The following TPR variants were observed in gnomAD, a reference collection of about 807,000 sequenced individuals.
The protein encoded by TPR is nucleoprotein TPR.
Under a neutral mutation model 316.1 loss-of-function variants are expected in TPR, and 51 were observed. The ratio of observed to expected loss-of-function variants is 0.16; its 90% CI spans 0.13 to 0.20. TPR has a LOEUF of 0.20. Ranked by LOEUF, TPR falls within the 10% of genes least tolerant of loss-of-function variation. The pLI is 1.00. For synonymous variants in TPR, 981 were observed against 914.7 expected, an observed-to-expected ratio of 1.07 and a Z score of -1.31; for missense variants, 2,272 against 2,754.8, an observed-to-expected ratio of 0.82 and a Z score of 3.92.
At chr1:186,341,703 A>C (rs1241770439) in intron 27 of TPR, 1 of 222,294 alleles carries the variant, frequency 4.5e-6, no homozygotes, top group East Asian at 1.1e-4. Context: ...TGCTGCACTA[A>C]ATTTATTAGT....
chr1:186,345,492 G>A, intron 24 of TPR, 88 bp downstream of exon 24: 1 of 1,008,530 alleles, frequency 9.9e-7, no homozygotes, highest in Non-Finnish European at 1.5e-6. Flanking sequence ...ATTTTTGTAA[G>A]GTCCACCAGT....
intron 42 of TPR, among the ~76,000 whole-genome samples, chr1:186,324,990 A>G (rs1050610892): frequency 9.2e-5 from 14 of 152,228 alleles, no homozygotes; most frequent in Admixed American, 4.6e-4. Context: ...AGTATTACCT[A>G]TTATATGGCT....
Position 186,346,263 on chromosome 1 carries a change from T to C in TPR, c.2968A>G (p.Ile990Val), listed in dbSNP as rs777536738. ...KQVTEEVRKN[I>V]EVRLKESAEF... ...GCTGACTCTTTTAAACGAACTTCAATATTCTTACGCACTTCTTCTGTCACC... is the reference window on the plus strand; with the variant it reads ...GCTGACTCTTTTAAACGAACTTCAACATTCTTACGCACTTCTTCTGTCACC... Residue 990 changes from isoleucine to valine, a missense_variant, in exon 23 of 51, where the codon ATT becomes GTT. Physicochemically the swap from Ile to Val is conservative, Grantham distance 29. Coordinates refer to ENST00000367478, the MANE Select transcript of TPR (RefSeq NM_003292.3). The C allele has an allele frequency of 4.3e-6, 7 of 1,613,108 alleles. No individual in the cohort carries two copies. The Admixed American group carries it at 8.3e-5, about 19-fold the overall frequency.
At chr1:186,351,882 G>T in intron 19 of TPR, 94 bp downstream of exon 19, 2 of 1,391,684 alleles carry the variant, frequency 1.4e-6, no homozygotes, top group East Asian at 2.4e-5. Context: ...CAAAAGTGAT[G>T]GATAAATTTT....
At chr1:186,365,099 G>A (rs1453578494) in intron 4 of TPR, among the ~76,000 whole-genome samples, 1 of 69,598 alleles carries the variant, frequency 1.4e-5, no homozygotes, top group Non-Finnish European at 3.0e-5. Context: ...TAAAGGGGCT[G>A]CCCTTTTTTT....
chr1:186,314,381 T>G (rs1393683405), intron 50 of TPR: 1 of 352,676 alleles, frequency 2.8e-6, no homozygotes, highest in Non-Finnish European at 5.1e-6. Flanking sequence ...TTTCCAAATC[T>G]TAATTTGGAT....
At chr1:186,368,792 A>G (rs1204557752) in intron 3 of TPR, among the ~76,000 whole-genome samples, 1 of 152,106 alleles carries the variant, frequency 6.6e-6, no homozygotes, top group Non-Finnish European at 1.5e-5. Context: ...TTGCAGCTTG[A>G]ACTACTGATG....
chr1:186,373,924 A>C (rs1659609285), intron 1 of TPR, among the ~76,000 whole-genome samples: 1 of 152,234 alleles, frequency 6.6e-6, no homozygotes, highest in South Asian at 2.1e-4. Context: ...TAAACTTTCC[A>C]AGGGAAGGGA....
Position 186,311,757 on chromosome 1 carries a change from C to A in TPR, c.*2214G>T. On this transcript the variant is annotated 3_prime_UTR_variant, in exon 51 of 51. Coordinates refer to ENST00000367478, the MANE Select transcript of TPR (RefSeq NM_003292.3). ...TTGAGGGTAGTATTCTTATTGCCCT[C>A]AATTTTTATTTTCATTTCTTCACAG... 1.3e-6 allele frequency: 1 copy of A among 744,814 alleles called. No homozygotes were observed. The highest frequency in any genetic ancestry group is 2.1e-6 in the Non-Finnish European group (1 of 467,126). 46.1% of individuals were successfully genotyped at this position (744,814 alleles called of 1,614,324 possible). A position where few individuals can be genotyped will look rare whatever the true frequency, so the allele number is the denominator to read the frequency against.
rs539145767 is a variant in TPR, at chr1:186,335,546, A to T, written c.4706-3T>A. On this transcript the variant is annotated splice_region_variant and splice_polypyrimidine_tract_variant and intron_variant, in intron 33 of 50. Coordinates refer to ENST00000367478, the MANE Select transcript of TPR (RefSeq NM_003292.3). Reference sequence around the variant, plus strand: ...TTTAGTTAGCTGATCTTTTACACCTAAAGAAGTAACCAGGCGATTATATTA... The same window carrying T: ...TTTAGTTAGCTGATCTTTTACACCTTAAGAAGTAACCAGGCGATTATATTA... 2.7e-5 allele frequency: 43 copies of T among 1,582,160 alleles called. No homozygotes were observed. The highest frequency in any genetic ancestry group is 3.4e-5 in the Non-Finnish European group (40 of 1,168,760).
chr1:186,337,999 G>T (rs767526076), intron 31 of TPR, 34 bp downstream of exon 31: 1 of 1,458,566 alleles, frequency 6.9e-7, no homozygotes. Context: ...ATTCATCCTA[G>T]TTTTTTTTTG....
At chr1:186,343,728 C>T (rs985190391) in intron 26 of TPR, among the ~76,000 whole-genome samples, 178 bp downstream of exon 26, 7 of 152,128 alleles carry the variant, frequency 4.6e-5, no homozygotes, top group African/African-American at 7.2e-5. Context: ...CTATCAGATT[C>T]AACTTTAAAG....
Position 186,341,671 on chromosome 1 carries a change from C to G in TPR, c.3751-282G>C. 3 of 288,694 alleles carry G rather than the reference C, an allele frequency of 1.0e-5. No individual in the cohort carries two copies. The East Asian group carries it at 2.0e-4, about 19-fold the overall frequency. 17.9% of individuals were successfully genotyped at this position (288,694 alleles called of 1,614,324 possible). On this transcript the variant is annotated intron_variant, in intron 27 of 50. Coordinates refer to ENST00000367478, the MANE Select transcript of TPR (RefSeq NM_003292.3). ...AAACATTAATCCAAATCTCTATTTA[C>G]CTTTCTGTATCTTTTTTTCCTTGCT...
At chr1:186,324,417 T>A (rs1417123521) in intron 42 of TPR, among the ~76,000 whole-genome samples, 1 of 152,188 alleles carries the variant, frequency 6.6e-6, no homozygotes, top group Non-Finnish European at 1.5e-5. Flanking sequence ...TTTTCCTGAA[T>A]TTTGAATTTT....
chr1:186,349,610 A>G (rs1325904899), intron 21 of TPR, among the ~76,000 whole-genome samples: 2 of 151,674 alleles, frequency 1.3e-5, no homozygotes, highest in African/African-American at 4.8e-5. Flanking sequence ...CAGTGAGCCG[A>G]GATCGCGCCA....
intron 18 of TPR, among the ~76,000 whole-genome samples, chr1:186,352,464 C>G (rs755430975): frequency 2.6e-5 from 4 of 152,140 alleles, no homozygotes; most frequent in Admixed American, 1.3e-4. Context: ...AATTATGTAA[C>G]TTTTAGAATC....
chr1:186,321,767 T>C (rs1057182702), intron 45 of TPR, among the ~76,000 whole-genome samples: 1 of 152,162 alleles, frequency 6.6e-6, no homozygotes, highest in Non-Finnish European at 1.5e-5. Context: ...TTCTACATTG[T>C]TTACATTACA....
At chr1:186,373,699 G>GAA (rs1558045613) in intron 1 of TPR, among the ~76,000 whole-genome samples, 1 of 151,950 alleles carries the variant, frequency 6.6e-6, no homozygotes, top group Non-Finnish European at 1.5e-5. Context: ...GCCTAAAAGG[G>GAA]GCTTTACAAA....
chr1:186,318,362 T>C, intron 48 of TPR, 85 bp downstream of exon 48: 2 of 1,492,462 alleles, frequency 1.3e-6, no homozygotes, highest in Admixed American at 2.3e-5. Flanking sequence ...AACACAACTT[T>C]GCAGATTGTT....
Sources: gnomAD v4.1 joint callset for allele counts (sites outside exome capture counted in the v4.1 genomes callset) on GRCh38, gnomAD v4.1.1 for gene constraint, MANE v1.5 for transcripts, NCBI Gene and HGNC (gene_info 2026-07-23, HGNC 2026-07-21) for gene names.